ADAMTS18: variants seen among roughly 807,000 people sequenced by gnomAD.
ADAMTS18 encodes the protein A disintegrin and metalloproteinase with thrombospondin motifs 18.
A neutral mutation model predicts 165.9 loss-of-function variants in ADAMTS18; 157 were observed. That is an observed-to-expected ratio of 0.95 (90% confidence interval 0.83 to 1.08). The LOEUF (loss-of-function observed/expected upper bound fraction) is 1.08, where lower values mean the gene tolerates loss of function less well. ADAMTS18 is among the 50% of genes least tolerant of loss of function. The probability of loss-of-function intolerance (pLI) is 0.00; values close to 1 mark genes in which losing one functional copy is unlikely to be tolerated. For missense variants in ADAMTS18, 2,040 were observed against 1,534.0 expected (o/e 1.33, Z -5.51); for synonymous variants, 782 against 578.2 (o/e 1.35, Z -5.06).
rs940785501 is a variant in ADAMTS18 at position 77,402,606 on chromosome 16, T to C, written c.495+28689A>G. Reference sequence around the variant, plus strand: ...CATTTAGGCAGAATGTAAATAACTTTTAAAAATAACTTTAAGTAGAAGATT... The same window carrying C: ...CATTTAGGCAGAATGTAAATAACTTCTAAAAATAACTTTAAGTAGAAGATT... On this transcript the variant is annotated intron_variant, in intron 3 of 22. Coordinates refer to ENST00000282849, the MANE Select transcript of ADAMTS18 (RefSeq NM_199355.4). Among the ~76,000 whole-genome samples the C allele has an allele frequency of 5.3e-5, 8 of 152,244 alleles. No individual in the cohort carries two copies. The East Asian group carries it at 7.7e-4, about 15-fold the overall frequency.
intron 13 of ADAMTS18, 77 bp from the exon 14 acceptor site, chr16:77,322,543 A>T (rs2056022311): frequency 6.5e-7 from 1 of 1,544,174 alleles, no homozygotes; most frequent in Non-Finnish European, 8.9e-7. Context: ...AAAAGAATGA[A>T]TTAAATTTAC....
At chr16:77,337,032 T>C (rs2056321151) in intron 11 of ADAMTS18, among the ~76,000 whole-genome samples, 2 of 152,238 alleles carry the variant, frequency 1.3e-5, no homozygotes. Flanking sequence ...GACTGTTTAC[T>C]GTGTGGCTTG....
chr16:77,396,993 G>A (rs1005242041), intron 3 of ADAMTS18, among the ~76,000 whole-genome samples: 1 of 151,826 alleles, frequency 6.6e-6, no homozygotes, highest in African/African-American at 2.4e-5. Context: ...ATTTTTAGTA[G>A]AGCTAAGGTT....
chr16:77,325,067 T>C (rs561423311), intron 13 of ADAMTS18, among the ~76,000 whole-genome samples: 112 of 152,354 alleles, frequency 7.4e-4, no homozygotes, highest in Non-Finnish European at 8.4e-4. Context: ...CACTGATTAA[T>C]ATAGGTTCAT....
In ADAMTS18 at chr16:77,341,819, G is replaced by A. The variant is rs201821568; in HGVS notation, c.1615-20C>T. 1.2e-3 allele frequency: 1,891 copies of A among 1,574,062 alleles called. No individual in the cohort carries two copies. Among genetic ancestry groups the A allele is most frequent in the Non-Finnish European group, 1.5e-3 (1,683 of 1,147,726 alleles). ...AATATCCTGAAATAAAAAAAAAGGG[G>A]GGTGCTGTTAATGGTGATATACAAT... is the stretch of plus-strand genomic sequence containing the variant. On this transcript the variant is annotated intron_variant, in intron 10 of 22. Transcript: ENST00000282849.
chr16:77,286,319 A>G (rs987140532), intron 22 of ADAMTS18, among the ~76,000 whole-genome samples: 1 of 151,926 alleles, frequency 6.6e-6, no homozygotes, highest in African/African-American at 2.4e-5. Flanking sequence ...CACCCCTGCT[A>G]CTTTACTTTC....
Position 77,289,264 on chromosome 16 carries a change from C to G in ADAMTS18, c.3550G>C (p.Glu1184Gln), listed in dbSNP as rs752976883. ...TGACTGGAGCATGGTGCCTTTTTAC[C>G]TCTCTTTTCAGGAGCTGGACAGAAG... ...TNFCPAPEKR[E>Q]DPSCVDFFNW... Residue 1184 changes from glutamate (E) to glutamine (Q), a missense_variant and splice_region_variant, in exon 22 of 23, where the codon GAG becomes CAG. Glu to Gln is a conservative substitution (Grantham distance 29). Transcript: ENST00000282849. 3 of 1,614,090 alleles carry G rather than the reference C, an allele frequency of 1.9e-6. No homozygotes were observed. The highest frequency in any genetic ancestry group is 2.5e-6 in the Non-Finnish European group (3 of 1,179,968).
chr16:77,383,292 A>G (rs561459959), intron 3 of ADAMTS18, among the ~76,000 whole-genome samples: 2 of 152,216 alleles, frequency 1.3e-5, no homozygotes, highest in African/African-American at 4.8e-5. Flanking sequence ...ATTCTTGACC[A>G]AGAGAAATGG....
intron 3 of ADAMTS18, among the ~76,000 whole-genome samples, chr16:77,402,086 A>T (rs1048811580): frequency 1.3e-5 from 2 of 152,216 alleles, no homozygotes; most frequent in African/African-American, 4.8e-5. Flanking sequence ...AATCCCTATA[A>T]TAAGTTCCCT....
At chr16:77,340,154 C>T (rs2056376642) in intron 11 of ADAMTS18, among the ~76,000 whole-genome samples, 1 of 152,074 alleles carries the variant, frequency 6.6e-6, no homozygotes. Context: ...TATATGTTTC[C>T]CCTGCTAGAC....
chr16:77,414,994 G>A (rs1264584298), intron 3 of ADAMTS18, among the ~76,000 whole-genome samples: 1 of 152,198 alleles, frequency 6.6e-6, no homozygotes, highest in East Asian at 1.9e-4. Flanking sequence ...GTTATTGTTG[G>A]CAGACACAGA....
Position 77,418,519 on chromosome 16 carries a change from A to C in ADAMTS18, c.495+12776T>G, listed in dbSNP as rs1043814678. On this transcript the variant is annotated intron_variant, in intron 3 of 22. Coordinates refer to ENST00000282849, the MANE Select transcript of ADAMTS18 (RefSeq NM_199355.4). Reference sequence around the variant, plus strand: ...AATGCACAGACATGCCCTGCACAAGAAAGAATTATCCATCCTAACAAACCA... The same window carrying C: ...AATGCACAGACATGCCCTGCACAAGCAAGAATTATCCATCCTAACAAACCA... Among the ~76,000 whole-genome samples the C allele has an allele frequency of 2.0e-5, 3 of 152,192 alleles. No homozygotes were observed. In the East Asian group the frequency reaches 5.8e-4, roughly 29 times the overall value.
chr16:77,424,172 A>AAAGG (rs1353982406), intron 3 of ADAMTS18, among the ~76,000 whole-genome samples: 2 of 150,236 alleles, frequency 1.3e-5, no homozygotes, highest in East Asian at 1.9e-4. Flanking sequence ...TCATACCCGA[A>AAAGG]AAGGCAGGCA....
chr16:77,397,927 T>A (rs576482462), intron 3 of ADAMTS18, among the ~76,000 whole-genome samples: 47 of 152,288 alleles, frequency 3.1e-4, no homozygotes, highest in African/African-American at 1.1e-3. Flanking sequence ...CAAAATTGCT[T>A]TACCTACTTG....
chr16:77,306,304 G>A (rs994634696), intron 16 of ADAMTS18, among the ~76,000 whole-genome samples: 1 of 152,110 alleles, frequency 6.6e-6, no homozygotes, highest in African/African-American at 2.4e-5. Flanking sequence ...AGCTCTAACC[G>A]CAGGGTGCAG....
At chr16:77,410,597 C>A (rs1164892904) in intron 3 of ADAMTS18, among the ~76,000 whole-genome samples, 1 of 152,136 alleles carries the variant, frequency 6.6e-6, no homozygotes, top group Non-Finnish European at 1.5e-5. Context: ...CACAAGAACA[C>A]AATATTTGTT....
Position 77,314,765 on chromosome 16 carries a change from TATATATATATATATATATATAA to T in ADAMTS18, c.2532+5062_2532+5083del, listed in dbSNP as rs1465740043. ...TGGTCTCAGGTTTCATATATATATA[TATATATATATATATATATATAA>T]AATATATGTGATATGCTCAGAAGGC... On this transcript the variant is annotated intron_variant, in intron 16 of 22. Transcript: ENST00000282849. Among the ~76,000 whole-genome samples, 5 of 77,230 alleles carry T rather than the reference TATATATATATATATATATATAA, an allele frequency of 6.5e-5. 1 individual carries two copies. Among genetic ancestry groups the T allele is most frequent in the African/African-American group, 9.9e-5 (2 of 20,184 alleles). 50.7% of individuals were successfully genotyped at this position (77,230 alleles called of 152,430 possible).
chr16:77,412,765 T>C lies in ADAMTS18; in HGVS notation c.495+18530A>G, dbSNP rs376109130. 3.3e-5 allele frequency among the ~76,000 whole-genome samples: 5 copies of C among 152,144 alleles called. No homozygotes were observed. In the East Asian group the frequency reaches 5.8e-4, roughly 18 times the overall value. On this transcript the variant is annotated intron_variant, in intron 3 of 22. Transcript: ENST00000282849. Reference sequence around the variant, plus strand: ...CTTATTCACTACCACAAGAACAGTATGGGTGAAAATGCCCCCATGATTCAA... The same window carrying C: ...CTTATTCACTACCACAAGAACAGTACGGGTGAAAATGCCCCCATGATTCAA...
chr16:77,398,604 T>A (rs116792082), intron 3 of ADAMTS18, among the ~76,000 whole-genome samples: 2 of 152,244 alleles, frequency 1.3e-5, no homozygotes, highest in African/African-American at 4.8e-5. Flanking sequence ...TCTGCACTGT[T>A]GACATTTTGG....
Sources: allele counts gnomAD v4.1 joint callset (sites outside exome capture counted in the v4.1 genomes callset), GRCh38; gene constraint gnomAD v4.1.1; transcripts MANE v1.5; gene names NCBI Gene and HGNC (gene_info 2026-07-23, HGNC 2026-07-21).